Variants in CCDC174 observed in about 807,000 individuals in gnomAD.
CCDC174 encodes coiled-coil domain-containing protein 174.
CCDC174 carries 37 observed loss-of-function variants against 57.1 expected under a neutral mutation model. That is an observed-to-expected ratio of 0.65 (90% CI 0.50 to 0.85). The LOEUF (loss-of-function observed/expected upper bound fraction) is 0.85, where lower values mean the gene tolerates loss of function less well. CCDC174 is among the 40% of genes least tolerant of loss of function. The pLI, the probability that CCDC174 is intolerant of heterozygous loss-of-function variation, is 0.00. For synonymous variants in CCDC174, 182 were observed against 190.2 expected (o/e 0.96, Z 0.35); for missense variants, 540 against 574.3 (o/e 0.94, Z 0.61).
intron 5 of CCDC174, among the ~76,000 whole-genome samples, chr3:14,663,659 T>G (rs1007115479): frequency 6.6e-6 from 1 of 152,202 alleles, no homozygotes; most frequent in Non-Finnish European, 1.5e-5. Flanking sequence ...CTCTTCTATT[T>G]AATGAGATCT....
chr3:14,654,946 T>C (rs1276350780), intron 2 of CCDC174, among the ~76,000 whole-genome samples: 5 of 152,222 alleles, frequency 3.3e-5, no homozygotes, highest in African/African-American at 9.6e-5. Context: ...CTCTGTAATA[T>C]GTACATTTTC....
At chr3:14,653,294 A>T (rs2030838766) in intron 1 of CCDC174, among the ~76,000 whole-genome samples, 1 of 152,234 alleles carries the variant, frequency 6.6e-6, no homozygotes, top group South Asian at 2.1e-4. Context: ...GACTAGGAAG[A>T]TATGTGGCTG....
chr3:14,653,603 T>C (rs1266762098), intron 1 of CCDC174, among the ~76,000 whole-genome samples: 2 of 152,226 alleles, frequency 1.3e-5, no homozygotes, highest in African/African-American at 2.4e-5. Flanking sequence ...TGTTGTTATA[T>C]CCTTTTTTGC....
intron 3 of CCDC174, among the ~76,000 whole-genome samples, 195 bp from the exon 4 acceptor site, chr3:14,658,676 G>A (rs1348481556): frequency 1.3e-5 from 2 of 152,216 alleles, no homozygotes; most frequent in Non-Finnish European, 2.9e-5. Flanking sequence ...CGGAGCTTCT[G>A]TTTTCCTTGG....
At position 14,666,896 on chromosome 3, in the gene CCDC174, G is replaced by T. The variant is rs2031361952; in HGVS notation, c.673G>T (p.Ala225Ser). 6.2e-7 allele frequency: 1 copy of T among 1,606,560 alleles called. No individual in the cohort carries two copies. Among genetic ancestry groups the T allele is most frequent in the Non-Finnish European group, 8.5e-7 (1 of 1,177,822 alleles). Residue 225 changes from alanine to serine, a missense_variant, in exon 7 of 11, where the codon GCC (alanine) becomes TCC (serine). By Grantham distance (99) the Ala-to-Ser change is moderately conservative. Coordinates refer to ENST00000383794, the MANE Select transcript of CCDC174 (RefSeq NM_016474.5). ...GCAATGGGAGGAAGAAGAAAGAGAG[G>T]CCCTGAAGAGGCCCATGGGGCCCGT... ...RQQWEEEERE[A>S]LKRPMGPVHY...
rs11709673 is a variant in CCDC174, at chr3:14,671,799, A to G, written c.*605A>G. Reference sequence around the variant, plus strand: ...TTACTGTCATACCATGCTATTACCTACACTCCTGTGTGCAGTGGGCATTCA... The same window carrying G: ...TTACTGTCATACCATGCTATTACCTGCACTCCTGTGTGCAGTGGGCATTCA... On this transcript the variant is annotated 3_prime_UTR_variant, in exon 11 of 11. Coordinates refer to ENST00000383794, the MANE Select transcript of CCDC174 (RefSeq NM_016474.5). The G allele has an allele frequency of 0.33, 50,323 of 152,542 alleles. 8,447 individuals are homozygous for G. The highest frequency in any genetic ancestry group is 0.39 in the Admixed American group (5,925 of 15,314). 9.4% of individuals were successfully genotyped at this position (152,542 alleles called of 1,614,324 possible).
intron 1 of CCDC174, among the ~76,000 whole-genome samples, chr3:14,652,972 G>A (rs2124827615): frequency 6.6e-6 from 1 of 152,140 alleles, no homozygotes; most frequent in Non-Finnish European, 1.5e-5. Flanking sequence ...TGACTCCAAA[G>A]CTGCTGCCTT....
At position 14,663,090 on chromosome 3, in the gene CCDC174, G is replaced by A. The variant is rs748548074; in HGVS notation, c.485+1383G>A. Reference sequence around the variant, plus strand: ...TTTTGAGGCAGGGTCTCCACACTCCGTCACCCAGGTGGGAGTGCAGTGGCA... The same window carrying A: ...TTTTGAGGCAGGGTCTCCACACTCCATCACCCAGGTGGGAGTGCAGTGGCA... On this transcript the variant is annotated intron_variant, in intron 5 of 10. Transcript: ENST00000383794. Among the ~76,000 whole-genome samples the A allele has an allele frequency of 6.6e-5, 10 of 152,100 alleles. No homozygotes were observed. The South Asian group carries it at 1.2e-3, about 19-fold the overall frequency.
Position 14,671,274 on chromosome 3 carries a change from AATTGT to A in CCDC174, c.*82_*86del. The A allele has an allele frequency of 1.5e-6, 2 of 1,379,098 alleles. No homozygotes were observed. Among genetic ancestry groups the A allele is most frequent in the Non-Finnish European group, 2.0e-6 (2 of 1,003,958 alleles). 85.4% of individuals were successfully genotyped at this position (1,379,098 alleles called of 1,614,324 possible). A position where few individuals can be genotyped will look rare whatever the true frequency, so the allele number is the denominator to read the frequency against. ...GAGGGAGAAATAACTTTAGGAACTGAATTGTACCTTTGTCCTGTCCTTTCCCTAGG... is the reference window on the plus strand; with the variant it reads ...GAGGGAGAAATAACTTTAGGAACTGAACCTTTGTCCTGTCCTTTCCCTAGG... On this transcript the variant is annotated 3_prime_UTR_variant, in exon 11 of 11. Transcript: ENST00000383794.
chr3:14,652,769 G>GT lies in CCDC174; in HGVS notation c.42+892dup, dbSNP rs752771283. ...ATAAAAAAATTAGCCGGGCGTGGTG[G>GT]TGCACGCCTGTAATCCCAGCTACTC... On this transcript the variant is annotated intron_variant, in intron 1 of 10. Coordinates refer to ENST00000383794, the MANE Select transcript of CCDC174 (RefSeq NM_016474.5). Among the ~76,000 whole-genome samples, 303 of 152,252 alleles carry GT rather than the reference G, an allele frequency of 2.0e-3. 1 individual carries two copies. The highest frequency in any genetic ancestry group is 2.4e-3 in the Non-Finnish European group (160 of 68,012).
intron 7 of CCDC174, 72 bp from the exon 8 acceptor site, chr3:14,667,352 A>G: frequency 8.9e-7 from 1 of 1,119,618 alleles, no homozygotes. Flanking sequence ...TTGCTTTGGT[A>G]GGAAATGTGG....
At chr3:14,656,192 A>G (rs908499723) in intron 3 of CCDC174, among the ~76,000 whole-genome samples, 1 of 152,192 alleles carries the variant, frequency 6.6e-6, no homozygotes, top group Non-Finnish European at 1.5e-5. Flanking sequence ...AACCCAAGAA[A>G]TTTAACACTG....
intron 3 of CCDC174, 112 bp downstream of exon 3, chr3:14,655,741 C>T (rs1237992391): frequency 1.7e-6 from 1 of 588,586 alleles, no homozygotes; most frequent in Non-Finnish European, 3.0e-6. Flanking sequence ...TAACATCCTT[C>T]TAGCCCAATG....
intron 5 of CCDC174, among the ~76,000 whole-genome samples, chr3:14,663,506 A>T (rs1575071346): frequency 6.6e-6 from 1 of 152,124 alleles, no homozygotes; most frequent in Admixed American, 6.5e-5. Flanking sequence ...GTGTGCCTTA[A>T]CTTCCCTAGA....
chr3:14,655,444 C>T, intron 2 of CCDC174, 85 bp from the exon 3 acceptor site: 1 of 802,676 alleles, frequency 1.2e-6, no homozygotes, highest in Non-Finnish European at 2.1e-6. Flanking sequence ...TCATGATCTC[C>T]TTTGTTTTTT....
intron 8 of CCDC174, 41 bp from the exon 9 acceptor site, chr3:14,668,008 A>C: frequency 6.4e-7 from 1 of 1,555,176 alleles, no homozygotes; most frequent in Non-Finnish European, 8.7e-7. Flanking sequence ...GAATATTGCA[A>C]ATTTGGCTTC....
chr3:14,656,496 G>T (rs1306768096), intron 3 of CCDC174, among the ~76,000 whole-genome samples: 1 of 152,186 alleles, frequency 6.6e-6, no homozygotes, highest in East Asian at 1.9e-4. Flanking sequence ...GCAGTGGTGT[G>T]TCCTTCCCAT....
At chr3:14,668,902 A>G (rs968472691) in intron 9 of CCDC174, among the ~76,000 whole-genome samples, 3 of 152,132 alleles carry the variant, frequency 2.0e-5, no homozygotes, top group Admixed American at 6.5e-5. Flanking sequence ...TGTTTCTGCC[A>G]TTTCCTAGAG....
chr3:14,661,520 T>C lies in CCDC174; in HGVS notation c.308-10T>C. On this transcript the variant is annotated splice_polypyrimidine_tract_variant and intron_variant, in intron 4 of 10. Coordinates refer to ENST00000383794, the MANE Select transcript of CCDC174 (RefSeq NM_016474.5). ...TTTTTGATGTCTGAAAACTGATTTTTATGTCCTAGATGAAGAAGTAGAGGA... is the reference window on the plus strand; with the variant it reads ...TTTTTGATGTCTGAAAACTGATTTTCATGTCCTAGATGAAGAAGTAGAGGA... 1 of 1,583,048 alleles carries C rather than the reference T, an allele frequency of 6.3e-7. No individual in the cohort carries two copies. Among genetic ancestry groups the C allele is most frequent in the South Asian group, 1.2e-5 (1 of 86,208 alleles).
Sources: gnomAD v4.1 joint callset for allele counts (sites outside exome capture counted in the v4.1 genomes callset) on GRCh38, gnomAD v4.1.1 for gene constraint, MANE v1.5 for transcripts, NCBI Gene and HGNC (gene_info 2026-07-23, HGNC 2026-07-21) for gene names.